The following JARID2 variants were observed in gnomAD, a reference collection of about 807,000 sequenced individuals.
The protein encoded by JARID2 is jumonji and AT-rich interaction domain containing 2.
Under a neutral mutation model 125.6 loss-of-function variants are expected in JARID2, and 21 were observed. The ratio of observed to expected loss-of-function variants is 0.17; its 90% confidence interval spans 0.12 to 0.24. The LOEUF (loss-of-function observed/expected upper bound fraction) is 0.24, where lower values mean the gene tolerates loss of function less well. Ranked by LOEUF, JARID2 falls within the 10% of genes least tolerant of loss-of-function variation. JARID2 has a pLI of 1.00. For synonymous variants in JARID2, 736 were observed against 661.6 expected (o/e 1.11, Z -1.73); for missense variants, 1,303 against 1,639.6 (o/e 0.79, Z 3.55).
At chr6:15,321,885 C>T (rs1176800574) in intron 1 of JARID2, among the ~76,000 whole-genome samples, 17 of 138,382 alleles carry the variant, frequency 1.2e-4, no homozygotes, top group East Asian at 2.3e-4. Flanking sequence ...CTTCGCCTTC[C>T]GGGTTCAAGC....
rs1771316746 is a variant in JARID2 at position 15,512,283 on chromosome 6, T to G, written c.3028T>G (p.Cys1010Gly). The change falls in exon 14 of 18, where the codon TGC (cysteine) becomes GGC (glycine). Residue 1010 changes from cysteine to glycine, a missense_variant. Coordinates refer to ENST00000341776, the MANE Select transcript of JARID2 (RefSeq NM_004973.4). ...TVQQSGQFVV[C>G]FPGSFVSKVC... The stretch of plus-strand genomic sequence containing the variant: ...GCAGCAGAGTGGCCAGTTTGTCGTC[T>G]GCTTCCCGGGATCCTTTGTGTCCAA... 2 of 1,614,090 alleles carry G rather than the reference T, an allele frequency of 1.2e-6. No homozygotes were observed. Among genetic ancestry groups the G allele is most frequent in the Admixed American group, 1.7e-5 (1 of 60,012 alleles).
chr6:15,498,163 C>T (rs1770557898), intron 7 of JARID2, among the ~76,000 whole-genome samples: 2 of 152,190 alleles, frequency 1.3e-5, no homozygotes, highest in South Asian at 4.1e-4. Context: ...TCCTGCTCAG[C>T]CTTGTCTCTT....
chr6:15,452,060 C>A lies in JARID2; in HGVS notation c.378C>A (p.Ser126Arg). ...CTCAGTCTCAGCCGAATAGTCCCAG[C>A]ACAACTCCAGTAAAGATAGTGGAGC... ...KFAQSQPNSP[S>R]TTPVKIVEPL... Residue 126 changes from serine (S) to arginine (R), a missense_variant, in exon 4 of 18, where the codon AGC becomes AGA. By Grantham distance (110) the Ser-to-Arg change is moderately radical. Coordinates refer to ENST00000341776, the MANE Select transcript of JARID2 (RefSeq NM_004973.4). 6.2e-7 allele frequency: 1 copy of A among 1,614,100 alleles called. No individual in the cohort carries two copies. The highest frequency in any genetic ancestry group is 8.5e-7 in the Non-Finnish European group (1 of 1,180,012).
chr6:15,283,220 TG>T (rs1760840651), intron 1 of JARID2, among the ~76,000 whole-genome samples: 2 of 141,408 alleles, frequency 1.4e-5, no homozygotes, highest in Non-Finnish European at 1.5e-5. Context: ...CCTTGTGATC[TG>T]CCCACCTTGG....
intron 3 of JARID2, among the ~76,000 whole-genome samples, chr6:15,430,380 G>T (rs571968021): frequency 3.3e-5 from 5 of 152,210 alleles, no homozygotes; most frequent in Admixed American, 2.0e-4. Context: ...ACAAAATGTG[G>T]GAAGAAGGAA....
At chr6:15,269,752 C>A (rs1203356197) in intron 1 of JARID2, among the ~76,000 whole-genome samples, 1 of 151,914 alleles carries the variant, frequency 6.6e-6, no homozygotes, top group Non-Finnish European at 1.5e-5. Flanking sequence ...CAAAGAATAT[C>A]CAGGCAGTGT....
At chr6:15,352,040 TC>T (rs952888581) in intron 1 of JARID2, among the ~76,000 whole-genome samples, 2 of 152,164 alleles carry the variant, frequency 1.3e-5, no homozygotes, top group African/African-American at 4.8e-5. Context: ...TGATATTTCT[TC>T]CTTTTTAATT....
At chr6:15,281,972 C>T (rs1031574698) in intron 1 of JARID2, among the ~76,000 whole-genome samples, 3 of 143,648 alleles carry the variant, frequency 2.1e-5, no homozygotes, top group Non-Finnish European at 4.6e-5. Context: ...GTGTTTGAGA[C>T]AGAGTCTTGC....
intron 1 of JARID2, among the ~76,000 whole-genome samples, chr6:15,289,618 A>G (rs1761131821): frequency 6.6e-6 from 1 of 151,882 alleles, no homozygotes; most frequent in South Asian, 2.1e-4. Context: ...GCACTTTGGG[A>G]GGATGAGGTG....
chr6:15,374,302 G>C lies in JARID2; in HGVS notation c.181+50G>C, dbSNP rs13214720. On this transcript the variant is annotated intron_variant, in intron 2 of 17. Transcript: ENST00000341776. ...ATTGGAATGTACAATATCTCTGGGCGTGGACTTGTTCCTGAATTGGATGTA... is the reference window on the plus strand; with the variant it reads ...ATTGGAATGTACAATATCTCTGGGCCTGGACTTGTTCCTGAATTGGATGTA... The C allele has an allele frequency of 3.8e-6, 6 of 1,592,996 alleles. No homozygotes were observed. In the African/African-American group the frequency reaches 5.4e-5, roughly 14 times the overall value.
At chr6:15,411,514 G>C (rs1230203768) in intron 3 of JARID2, among the ~76,000 whole-genome samples, 6 of 152,172 alleles carry the variant, frequency 3.9e-5, no homozygotes, top group Non-Finnish European at 7.3e-5. Context: ...TTCGTTATTA[G>C]TATAGTTAGG....
intron 1 of JARID2, among the ~76,000 whole-genome samples, chr6:15,287,575 C>G (rs1304902282): frequency 6.6e-6 from 1 of 152,302 alleles, no homozygotes. Flanking sequence ...GGGAATGTTA[C>G]ATTTCAGCAA....
At chr6:15,425,735 C>T (rs758354749) in intron 3 of JARID2, among the ~76,000 whole-genome samples, 9 of 152,260 alleles carry the variant, frequency 5.9e-5, no homozygotes, top group Non-Finnish European at 1.0e-4. Flanking sequence ...TTATATGTTA[C>T]GCAGTGTTAA....
intron 1 of JARID2, among the ~76,000 whole-genome samples, chr6:15,325,174 T>C (rs1007400794): frequency 1.3e-5 from 2 of 152,182 alleles, no homozygotes; most frequent in African/African-American, 4.8e-5. Flanking sequence ...TAAAGACTTT[T>C]ATAATCTGTA....
chr6:15,340,074 C>G (rs1205242649), intron 1 of JARID2, among the ~76,000 whole-genome samples: 1 of 152,046 alleles, frequency 6.6e-6, no homozygotes, highest in East Asian at 1.9e-4. Flanking sequence ...ATTCTCCCAC[C>G]TCAGCCTCCT....
At chr6:15,371,034 T>C (rs1764150220) in intron 1 of JARID2, among the ~76,000 whole-genome samples, 1 of 152,240 alleles carries the variant, frequency 6.6e-6, no homozygotes, top group African/African-American at 2.4e-5. Context: ...GTGTGTGTTT[T>C]AAGTTTGAAT....
chr6:15,495,362 A>T (rs1305530317), intron 6 of JARID2, among the ~76,000 whole-genome samples: 1 of 152,188 alleles, frequency 6.6e-6, no homozygotes, highest in Non-Finnish European at 1.5e-5. Flanking sequence ...CAGTTTGTAA[A>T]CGGTGGGAAA....
chr6:15,385,117 T>G (rs1268200009), intron 2 of JARID2, among the ~76,000 whole-genome samples: 1 of 152,214 alleles, frequency 6.6e-6, no homozygotes, highest in East Asian at 1.9e-4. Context: ...AAGCGAAATA[T>G]CCTCATGGCT....
intron 1 of JARID2, among the ~76,000 whole-genome samples, chr6:15,278,732 C>A (rs1760635268): frequency 6.6e-6 from 1 of 152,152 alleles, no homozygotes; most frequent in South Asian, 2.1e-4. Context: ...ATCTGCCATA[C>A]CTGCTGCGAG....
Sources: gnomAD v4.1 joint callset for allele counts (sites outside exome capture counted in the v4.1 genomes callset) on GRCh38, gnomAD v4.1.1 for gene constraint, MANE v1.5 for transcripts, NCBI Gene and HGNC (gene_info 2026-07-23, HGNC 2026-07-21) for gene names.